Variants in CACNA1I observed in about 807,000 individuals in gnomAD.
The protein encoded by CACNA1I is calcium voltage-gated channel subunit alpha1 I.
CACNA1I carries 74 observed loss-of-function variants against 201.6 expected under a neutral mutation model. The observed-to-expected ratio is 0.37, with a 90% CI of 0.30 to 0.45. The LOEUF is 0.45. Among genes scored for constraint, CACNA1I ranks in the 20% least tolerant of loss-of-function variants. The pLI, the probability that CACNA1I is intolerant of heterozygous loss-of-function variation, is 1.00. For missense variants in CACNA1I, 2,346 were observed against 3,138.1 expected, an observed-to-expected ratio of 0.75 and a Z score of 6.03; for synonymous variants, 1,431 against 1,345.2, an observed-to-expected ratio of 1.06 and a Z score of -1.40.
intron 4 of CACNA1I, among the ~76,000 whole-genome samples, chr22:39,624,327 C>A (rs991163056): frequency 6.6e-6 from 1 of 152,172 alleles, no homozygotes; most frequent in South Asian, 2.1e-4. Flanking sequence ...GTCCCCAGCA[C>A]CAGCCTGCCC....
chr22:39,653,067 C>T (rs1934695073), intron 10 of CACNA1I, among the ~76,000 whole-genome samples: 1 of 135,994 alleles, frequency 7.4e-6, no homozygotes. Flanking sequence ...GGGCTGACTG[C>T]ATTGTGGGTG....
intron 3 of CACNA1I, among the ~76,000 whole-genome samples, chr22:39,602,502 G>C (rs552557077): frequency 1.3e-5 from 2 of 152,132 alleles, no homozygotes; most frequent in South Asian, 2.1e-4. Context: ...TCTTAGTCAC[G>C]TTCTTCGTTT....
intron 1 of CACNA1I, among the ~76,000 whole-genome samples, chr22:39,577,194 C>T (rs899173090): frequency 3.9e-5 from 6 of 152,136 alleles, no homozygotes; most frequent in South Asian, 2.1e-4. Flanking sequence ...ACCACCATGC[C>T]GGGCTAATTT....
At chr22:39,645,460 G>A (rs548567864) in intron 7 of CACNA1I, among the ~76,000 whole-genome samples, 2 of 152,318 alleles carry the variant, frequency 1.3e-5, no homozygotes, top group African/African-American at 4.8e-5. Flanking sequence ...GCAGGGCCCA[G>A]CTGTCTCTTC....
intron 3 of CACNA1I, among the ~76,000 whole-genome samples, chr22:39,609,747 G>A (rs1043846022): frequency 3.3e-5 from 5 of 152,234 alleles, no homozygotes; most frequent in Admixed American, 3.3e-4. Flanking sequence ...CTTGGGTTCA[G>A]GCAAGATCAC....
rs1218575180 is a variant in CACNA1I at position 39,598,265 on chromosome 22, G to C, written c.348+3G>C. On this transcript the variant is annotated splice_donor_region_variant and intron_variant, in intron 2 of 36. Transcript: ENST00000402142. ...CCGACCGCTGCAAGATCCTGCAGGT[G>C]AGCCGGCCGCCCCGCCCCGCCCCGC... The C allele has an allele frequency of 6.5e-7, 1 of 1,543,900 alleles. No individual in the cohort carries two copies. The highest frequency in any genetic ancestry group is 1.8e-5 in the Admixed American group (1 of 54,526).
At chr22:39,573,216 A>T (rs1848519762) in intron 1 of CACNA1I, among the ~76,000 whole-genome samples, 1 of 152,148 alleles carries the variant, frequency 6.6e-6, no homozygotes, top group African/African-American at 2.4e-5. Flanking sequence ...ACAATGTCTC[A>T]GGGGCCTTTC....
intron 3 of CACNA1I, among the ~76,000 whole-genome samples, chr22:39,610,263 C>T (rs931396562): frequency 6.6e-6 from 1 of 152,202 alleles, no homozygotes; most frequent in African/African-American, 2.4e-5. Context: ...CCTGAAGTCC[C>T]CAGAGCCGTG....
At chr22:39,670,493 C>A (rs1010823863) in intron 25 of CACNA1I, among the ~76,000 whole-genome samples, 4 of 152,196 alleles carry the variant, frequency 2.6e-5, no homozygotes, top group Non-Finnish European at 5.9e-5. Context: ...CAAAGGCAGA[C>A]CCTGGGTGCC....
chr22:39,677,349 C>T lies in CACNA1I; in HGVS notation c.4863C>T (p.Asn1621=), dbSNP rs1010749168. 7 of 1,596,142 alleles carry T rather than the reference C, an allele frequency of 4.4e-6. No homozygotes were observed. The highest frequency in any genetic ancestry group is 2.7e-5 in the African/African-American group (2 of 74,696). The stretch of plus-strand genomic sequence containing the variant: ...CACCTGTCCTCCCGCAGGTGGGCAA[C>T]CTGGGCCTCCTCTTCATGCTGCTCT... ...TVVQALPQVG[N]LGLLFMLLFF... is the part of the protein sequence containing the mutation. The change falls in exon 30 of 37, where the codon AAC becomes AAT. Residue 1621 remains asparagine (N), a synonymous_variant. Coordinates refer to ENST00000402142, the MANE Select transcript of CACNA1I (RefSeq NM_021096.4). This position sits in a 1 kb window ranked among gnomAD's most constrained non-coding sequence, Gnocchi z 4.8.
chr22:39,633,637 T>C (rs1569072352), intron 4 of CACNA1I, among the ~76,000 whole-genome samples: 1 of 151,856 alleles, frequency 6.6e-6, no homozygotes, highest in Non-Finnish European at 1.5e-5. Context: ...AGGTGTGAAA[T>C]CTCACAGTAT....
At chr22:39,654,569 G>C (rs561465511) in intron 10 of CACNA1I, among the ~76,000 whole-genome samples, 3 of 152,160 alleles carry the variant, frequency 2.0e-5, no homozygotes, top group African/African-American at 4.8e-5. Context: ...AGCCCCTTAC[G>C]TGTCAAGTCA....
At chr22:39,628,786 A>G (rs1452636673) in intron 4 of CACNA1I, among the ~76,000 whole-genome samples, 1 of 152,154 alleles carries the variant, frequency 6.6e-6, no homozygotes, top group Non-Finnish European at 1.5e-5. Flanking sequence ...TGGCCAGTCC[A>G]GGGAGAGTGG....
intron 27 of CACNA1I, 113 bp from the exon 28 acceptor site, chr22:39,672,836 A>C: frequency 8.5e-7 from 1 of 1,181,362 alleles, no homozygotes; most frequent in Non-Finnish European, 1.2e-6. Context: ...CACACAGCCT[A>C]ATGGGCCACA....
At chr22:39,651,279 C>T (rs949206156) in intron 10 of CACNA1I, among the ~76,000 whole-genome samples, 3 of 152,232 alleles carry the variant, frequency 2.0e-5, no homozygotes, top group Non-Finnish European at 4.4e-5. Flanking sequence ...GGCCCTCCTT[C>T]TGTGGAGGCC....
intron 11 of CACNA1I, 143 bp from the exon 12 acceptor site, chr22:39,658,788 G>A (rs1372992318): frequency 6.9e-6 from 5 of 724,938 alleles, no homozygotes; most frequent in Non-Finnish European, 6.8e-6. Flanking sequence ...GTGGCGTGGA[G>A]CAGCATCCAA....
chr22:39,620,012 T>TATCC (rs564900279), intron 4 of CACNA1I, among the ~76,000 whole-genome samples: 14,173 of 92,674 alleles, frequency 0.15, 1,376 homozygotes, highest in East Asian at 0.23. Flanking sequence ...TCCACCTGTC[T>TATCC]ATCCATCCAT....
At chr22:39,600,451 G>A (rs1233985673) in intron 2 of CACNA1I, 69 bp from the exon 3 acceptor site, 1 of 1,362,530 alleles carries the variant, frequency 7.3e-7, no homozygotes, top group Non-Finnish European at 1.0e-6. Context: ...CTCACACTGT[G>A]GCTGCAACCC....
rs1569102701 is a variant in CACNA1I, at chr22:39,684,298, G to A, written c.5831-4G>A. 6.2e-7 allele frequency: 1 copy of A among 1,613,106 alleles called. No individual in the cohort carries two copies. The highest frequency in any genetic ancestry group is 1.7e-5 in the Admixed American group (1 of 59,966). Reference sequence around the variant, plus strand: ...CTCAGCTCTGTCTTCTCCTTTCCCAGCAGCACCCCCAAGTCCCTTCTCCCC... The same window carrying A: ...CTCAGCTCTGTCTTCTCCTTTCCCAACAGCACCCCCAAGTCCCTTCTCCCC... On this transcript the variant is annotated splice_region_variant and splice_polypyrimidine_tract_variant and intron_variant, in intron 35 of 36. Coordinates refer to ENST00000402142, the MANE Select transcript of CACNA1I (RefSeq NM_021096.4). The surrounding 1 kb of genome is among the most constrained non-coding windows in gnomAD (Gnocchi z 4.6).
Sources: gnomAD v4.1 joint callset for allele counts (sites outside exome capture counted in the v4.1 genomes callset) on GRCh38, gnomAD v4.1.1 for gene constraint, Gnocchi (gnomAD v3.1) non-coding constraint, MANE v1.5 for transcripts, NCBI Gene and HGNC (gene_info 2026-07-23, HGNC 2026-07-21) for gene names.